The following PPM1G variants were observed in gnomAD, a reference collection of about 807,000 sequenced individuals.
PPM1G encodes protein phosphatase 1G.
Under a neutral mutation model 59.4 loss-of-function variants are expected in PPM1G, and 12 were observed. The ratio of observed to expected loss-of-function variants is 0.20; its 90% CI spans 0.13 to 0.33. PPM1G has a LOEUF of 0.33. Among genes scored for constraint, PPM1G ranks in the 10% least tolerant of loss-of-function variants. PPM1G has a pLI of 1.00. For missense variants in PPM1G, 392 were observed against 681.3 expected (o/e 0.58, Z 4.73); for synonymous variants, 245 against 251.9 (o/e 0.97, Z 0.26).
Position 27,395,382 on chromosome 2 carries a change from A to G in PPM1G, c.121-8224T>C, listed in dbSNP as rs1684025001. The stretch of plus-strand genomic sequence containing the variant: ...CCCCATGTCTACTAAAAATACAAAA[A>G]TAACTGGGTGTGGTGGTACACCTGT... On this transcript the variant is annotated intron_variant, in intron 1 of 9. Transcript: ENST00000344034. Among the ~76,000 whole-genome samples the G allele has an allele frequency of 2.6e-5, 4 of 151,972 alleles. No homozygotes were observed. The South Asian group carries it at 8.3e-4, about 32-fold the overall frequency.
intron 1 of PPM1G, among the ~76,000 whole-genome samples, chr2:27,389,421 C>A (rs1304514593): frequency 6.6e-6 from 1 of 152,152 alleles, no homozygotes; most frequent in African/African-American, 2.4e-5. Flanking sequence ...TCCTTCACTT[C>A]TTGGTGAGGC....
chr2:27,404,457 G>C (rs928099948), intron 1 of PPM1G, among the ~76,000 whole-genome samples: 2 of 151,930 alleles, frequency 1.3e-5, no homozygotes, highest in Admixed American at 6.6e-5. Flanking sequence ...GGCTGAGGCA[G>C]GAGAATCACT....
chr2:27,383,634 T>G lies in PPM1G; in HGVS notation c.967-34A>C. ...GAAGAAAAGGAGCATCATGGGGGCTTCTGAACATGCGTTCCTCACTGATGT... is the reference window on the plus strand; with the variant it reads ...GAAGAAAAGGAGCATCATGGGGGCTGCTGAACATGCGTTCCTCACTGATGT... On this transcript the variant is annotated intron_variant, in intron 6 of 9. Coordinates refer to ENST00000344034, the MANE Select transcript of PPM1G (RefSeq NM_177983.3). This position sits in a 1 kb window ranked among gnomAD's most constrained non-coding sequence, Gnocchi z 5.0. 1 of 1,566,008 alleles carries G rather than the reference T, an allele frequency of 6.4e-7. No homozygotes were observed. Among genetic ancestry groups the G allele is most frequent in the Non-Finnish European group, 8.7e-7 (1 of 1,150,048 alleles).
chr2:27,394,223 G>A (rs1197569426), intron 1 of PPM1G, among the ~76,000 whole-genome samples: 1 of 152,124 alleles, frequency 6.6e-6, no homozygotes, highest in Non-Finnish European at 1.5e-5. Context: ...ATAAAAATTA[G>A]TAAACTTTTC....
rs1317194825 is a variant in PPM1G at position 27,385,939 on chromosome 2, G to A, written c.277-60C>T. 30 of 1,538,596 alleles carry A rather than the reference G, an allele frequency of 1.9e-5. No individual in the cohort carries two copies. Among genetic ancestry groups the A allele is most frequent in the South Asian group, 1.2e-4 (10 of 82,888 alleles). On this transcript the variant is annotated intron_variant, in intron 3 of 9. Coordinates refer to ENST00000344034, the MANE Select transcript of PPM1G (RefSeq NM_177983.3). This position sits in a 1 kb window ranked among gnomAD's most constrained non-coding sequence, Gnocchi z 4.1. ...AAATGAACTCCCTATATACAATCCT[G>A]AGCACAAGGATGGAATACAAATTAA...
intron 1 of PPM1G, among the ~76,000 whole-genome samples, chr2:27,406,686 T>C (rs1663372661): frequency 6.6e-6 from 1 of 151,970 alleles, no homozygotes; most frequent in African/African-American, 2.4e-5. Flanking sequence ...CAGCAAATAG[T>C]ATGGAATCAC....
intron 1 of PPM1G, 125 bp downstream of exon 1, chr2:27,409,178 A>G: frequency 2.2e-6 from 3 of 1,336,182 alleles, no homozygotes; most frequent in Non-Finnish European, 2.9e-6. Context: ...TCGCCCCGCA[A>G]ACGGCCGCTG....
At chr2:27,381,843 G>A in intron 9 of PPM1G, 38 bp from the exon 10 acceptor site, 1 of 1,596,122 alleles carries the variant, frequency 6.3e-7, no homozygotes, top group Non-Finnish European at 8.6e-7. Flanking sequence ...CACAGGGTTT[G>A]AACACCTTGC....
intron 1 of PPM1G, among the ~76,000 whole-genome samples, chr2:27,400,298 A>C (rs1263216053): frequency 6.6e-6 from 1 of 152,188 alleles, no homozygotes; most frequent in Non-Finnish European, 1.5e-5. Context: ...GCTACTCGGG[A>C]GGCTGAGGCA....
In PPM1G at chr2:27,382,710, TA is replaced by T; in HGVS notation, c.1202-106del. Reference sequence around the variant, plus strand: ...CATTTCCCTTCTTTACAAAGTTCCATAATCTAGTGGAATGGGGAACTGAGTC... The same window carrying T: ...CATTTCCCTTCTTTACAAAGTTCCATATCTAGTGGAATGGGGAACTGAGTC... On this transcript the variant is annotated intron_variant, in intron 7 of 9. Transcript: ENST00000344034. This position sits in a 1 kb window ranked among gnomAD's most constrained non-coding sequence, Gnocchi z 4.2. The T allele has an allele frequency of 7.0e-7, 1 of 1,430,792 alleles. No individual in the cohort carries two copies. Among genetic ancestry groups the T allele is most frequent in the Non-Finnish European group, 9.6e-7 (1 of 1,037,796 alleles). 88.6% of individuals were successfully genotyped at this position (1,430,792 alleles called of 1,614,324 possible).
At chr2:27,389,237 AAT>A (rs149853542) in intron 1 of PPM1G, among the ~76,000 whole-genome samples, 20 of 151,322 alleles carry the variant, frequency 1.3e-4, no homozygotes, top group South Asian at 6.3e-4. Context: ...GCTACATAAA[AAT>A]ATATATATAT....
intron 1 of PPM1G, among the ~76,000 whole-genome samples, chr2:27,392,495 A>G (rs924249918): frequency 1.6e-4 from 24 of 148,220 alleles, no homozygotes; most frequent in African/African-American, 4.5e-4. Context: ...GGGTTTCACC[A>G]TGTTGCCCAG....
At chr2:27,398,547 A>G (rs1005091162) in intron 1 of PPM1G, among the ~76,000 whole-genome samples, 4 of 152,170 alleles carry the variant, frequency 2.6e-5, no homozygotes, top group African/African-American at 9.7e-5. Flanking sequence ...AAAGAGGCTG[A>G]GTGTGGTGGC....
intron 1 of PPM1G, chr2:27,393,160 A>T: frequency 6.9e-7 from 1 of 1,450,220 alleles, no homozygotes. Flanking sequence ...AGCTTCATCA[A>T]TTTCTCAGCA....
At chr2:27,381,914 G>T in intron 9 of PPM1G, 109 bp from the exon 10 acceptor site, 1 of 1,173,576 alleles carries the variant, frequency 8.5e-7, no homozygotes. Context: ...GGAGAGGAAT[G>T]GGCAAGAGGT....
At position 27,381,413 on chromosome 2, in the gene PPM1G, A is replaced by T. The variant is rs546040537; in HGVS notation, c.*186T>A. Reference sequence around the variant, plus strand: ...GCCCGAGGAGCAGAGGCGGCTGGGAAGGACAGCAGAGGCTCCCGGCTGCAG... The same window carrying T: ...GCCCGAGGAGCAGAGGCGGCTGGGATGGACAGCAGAGGCTCCCGGCTGCAG... On this transcript the variant is annotated 3_prime_UTR_variant, in exon 10 of 10. Coordinates refer to ENST00000344034, the MANE Select transcript of PPM1G (RefSeq NM_177983.3). 3.2e-5 allele frequency: 20 copies of T among 633,180 alleles called. No homozygotes were observed. The East Asian group carries it at 4.5e-4, about 14-fold the overall frequency. The allele number at this position is 633,180 out of a possible 1,614,324, so 39.2% of individuals were successfully genotyped here. A position where few individuals can be genotyped will look rare whatever the true frequency, so the allele number is the denominator to read the frequency against.
chr2:27,404,837 G>C (rs62131866), intron 1 of PPM1G, among the ~76,000 whole-genome samples: 1 of 151,050 alleles, frequency 6.6e-6, no homozygotes, highest in Non-Finnish European at 1.5e-5. Flanking sequence ...CCAGCTACTC[G>C]GGAAGCTGAG....
intron 1 of PPM1G, among the ~76,000 whole-genome samples, chr2:27,399,164 C>CAACAACAAA (rs1387956683): frequency 1.3e-5 from 2 of 151,786 alleles, no homozygotes; most frequent in African/African-American, 2.4e-5. Context: ...ACAACAACAA[C>CAACAACAAA]AACAACAAAA....
chr2:27,386,056 G>C, intron 3 of PPM1G, 138 bp downstream of exon 3: 1 of 1,236,992 alleles, frequency 8.1e-7, no homozygotes, highest in Non-Finnish European at 1.1e-6. Context: ...CGGCCAATAA[G>C]CTCGTTTTAG....
Sources: allele counts gnomAD v4.1 joint callset (sites outside exome capture counted in the v4.1 genomes callset), GRCh38; gene constraint gnomAD v4.1.1; non-coding constraint Gnocchi (gnomAD v3.1); transcripts MANE v1.5; gene names NCBI Gene and HGNC (gene_info 2026-07-23, HGNC 2026-07-21).